POFUT2: variants seen among roughly 807,000 people sequenced by gnomAD.
POFUT2 encodes GDP-fucose protein O-fucosyltransferase 2.
POFUT2 carries 30 observed loss-of-function variants against 55.0 expected under a neutral mutation model. The ratio of observed to expected loss-of-function variants is 0.55; its 90% CI spans 0.41 to 0.74. The LOEUF is 0.74. Ranked by LOEUF, POFUT2 falls within the 30% of genes least tolerant of loss-of-function variation. The pLI, the probability that POFUT2 is intolerant of heterozygous loss-of-function variation, is 0.00. For synonymous variants in POFUT2, 267 were observed against 231.1 expected, an observed-to-expected ratio of 1.16 and a Z score of -1.41; for missense variants, 524 against 562.6, an observed-to-expected ratio of 0.93 and a Z score of 0.69.
chr21:45,272,625 G>T (rs1286685850), intron 6 of POFUT2, among the ~76,000 whole-genome samples: 2 of 152,068 alleles, frequency 1.3e-5, no homozygotes, highest in African/African-American at 4.8e-5. Context: ...CATATGGAAC[G>T]TTATCCAAGA....
intron 8 of POFUT2, chr21:45,266,270 G>A: frequency 2.2e-6 from 3 of 1,367,526 alleles, no homozygotes; most frequent in Non-Finnish European, 2.9e-6. Context: ...CAGAGCAAAT[G>A]TAACATGCAC....
rs755130095 is a variant in POFUT2, at chr21:45,268,675, AC to A, written c.1013-963del. Among the ~76,000 whole-genome samples the A allele has an allele frequency of 5.1e-3, 657 of 129,006 alleles. 3 individuals carry two copies. The highest frequency in any genetic ancestry group is 7.7e-3 in the Non-Finnish European group (470 of 61,068). 84.6% of individuals were successfully genotyped at this position (129,006 alleles called of 152,430 possible). A position where few individuals can be genotyped will look rare whatever the true frequency, so the allele number is the denominator to read the frequency against. ...TGAGGAGCGCCTCTGCCTGGCCACG[AC>A]CCCGTCTGGGAGGTGAGGAGCGTCT... is the stretch of plus-strand genomic sequence containing the variant. On this transcript the variant is annotated intron_variant, in intron 7 of 8. Coordinates refer to ENST00000349485, the MANE Select transcript of POFUT2 (RefSeq NM_133635.6).
In POFUT2 at chr21:45,278,184, CAGA is replaced by C. The variant is rs2030039911; in HGVS notation, c.639-18_639-16del. On this transcript the variant is annotated splice_polypyrimidine_tract_variant and intron_variant, in intron 4 of 8. Coordinates refer to ENST00000349485, the MANE Select transcript of POFUT2 (RefSeq NM_133635.6). ...ACATCACGGACCTGTTTTTAAACAA[CAGA>C]AGAATAAACAGTTATAAGAGTTAAG... is the stretch of plus-strand genomic sequence containing the variant. 1.2e-6 allele frequency: 2 copies of C among 1,602,400 alleles called. No homozygotes were observed. The highest frequency in any genetic ancestry group is 1.7e-6 in the Non-Finnish European group (2 of 1,169,460).
Position 45,267,851 on chromosome 21 carries a change from C to T in POFUT2, c.1013-138G>A, listed in dbSNP as rs987073801. 1.4e-6 allele frequency: 1 copy of T among 725,034 alleles called. No homozygotes were observed. Among genetic ancestry groups the T allele is most frequent in the Non-Finnish European group, 2.4e-6 (1 of 421,036 alleles). 44.9% of individuals were successfully genotyped at this position (725,034 alleles called of 1,614,324 possible). ...TGGCTCCAAAGGTGCAGACACACAA[C>T]TCAGCTTTACCCTCCCAGGAATTAC... On this transcript the variant is annotated intron_variant, in intron 7 of 8. Transcript: ENST00000349485. This position sits in a 1 kb window ranked among gnomAD's most constrained non-coding sequence, Gnocchi z 4.4.
At chr21:45,278,268 G>A in intron 4 of POFUT2, 99 bp from the exon 5 acceptor site, 2 of 1,050,560 alleles carry the variant, frequency 1.9e-6, no homozygotes, top group South Asian at 2.5e-5. Context: ...GGCCGAGGAA[G>A]CAGAGACCAA....
At chr21:45,268,814 G>A (rs1185002995) in intron 7 of POFUT2, among the ~76,000 whole-genome samples, 1 of 146,528 alleles carries the variant, frequency 6.8e-6, no homozygotes, top group Non-Finnish European at 1.5e-5. Context: ...AGGGAGGTGG[G>A]GGGGTCAGCC....
intron 7 of POFUT2, 127 bp downstream of exon 7, chr21:45,269,712 T>C: frequency 1.2e-6 from 1 of 849,992 alleles, no homozygotes; most frequent in Non-Finnish European, 1.8e-6. Flanking sequence ...GTTTATCTGC[T>C]GACCTTCCCT....
At chr21:45,269,794 T>A (rs1424544700) in intron 7 of POFUT2, 45 bp downstream of exon 7, 22 of 1,549,292 alleles carry the variant, frequency 1.4e-5, no homozygotes, top group African/African-American at 4.2e-5. Context: ...ATAAAAAAAA[T>A]AAATTAAAAG....
rs147528543 is a variant in POFUT2, at chr21:45,282,306, G to A, written c.638+43C>T. On this transcript the variant is annotated intron_variant, in intron 4 of 8. Transcript: ENST00000349485. This position sits in a 1 kb window ranked among gnomAD's most constrained non-coding sequence, Gnocchi z 4.6. ...CCAGCCCAGCATGCACGGAGCAGAC[G>A]CCACAGCCTCCAGGCTGCTCCCGGG... 1.5e-5 allele frequency: 19 copies of A among 1,271,524 alleles called. No homozygotes were observed. Among genetic ancestry groups the A allele is most frequent in the Admixed American group, 1.0e-4 (6 of 58,494 alleles). The allele number at this position is 1,271,524 out of a possible 1,614,324, so 78.8% of individuals were successfully genotyped here. A position where few individuals can be genotyped will look rare whatever the true frequency, so the allele number is the denominator to read the frequency against.
Position 45,281,210 on chromosome 21 carries a change from G to A in POFUT2, c.638+1139C>T, listed in dbSNP as rs1471378453. Reference sequence around the variant, plus strand: ...TCTCCTAAATCAGGACCATCTAGTTGGAAGCCCCCTCTGGGCTCAGCTCCA... The same window carrying A: ...TCTCCTAAATCAGGACCATCTAGTTAGAAGCCCCCTCTGGGCTCAGCTCCA... On this transcript the variant is annotated intron_variant, in intron 4 of 8. Transcript: ENST00000349485. This position sits in a 1 kb window ranked among gnomAD's most constrained non-coding sequence, Gnocchi z 5.0. Among the ~76,000 whole-genome samples the A allele has an allele frequency of 1.3e-5, 2 of 152,134 alleles. No individual in the cohort carries two copies. Among genetic ancestry groups the A allele is most frequent in the Non-Finnish European group, 2.9e-5 (2 of 68,026 alleles).
In POFUT2 at chr21:45,265,398, G is replaced by T; in HGVS notation, c.*84C>A. The T allele has an allele frequency of 1.6e-6, 2 of 1,280,044 alleles. No individual in the cohort carries two copies. The highest frequency in any genetic ancestry group is 1.1e-6 in the Non-Finnish European group (1 of 915,316). The allele number at this position is 1,280,044 out of a possible 1,614,324, so 79.3% of individuals were successfully genotyped here. ...GGTCCTGTCCGCCCAGCTCCCGGCT[G>T]GCAGTAGACGGTGACTCCACGGCGA... On this transcript the variant is annotated 3_prime_UTR_variant, in exon 9 of 9. Coordinates refer to ENST00000349485, the MANE Select transcript of POFUT2 (RefSeq NM_133635.6). This position sits in a 1 kb window ranked among gnomAD's most constrained non-coding sequence, Gnocchi z 4.6.
rs748381010 is a variant in POFUT2 at position 45,270,061 on chromosome 21, G to T, written c.832-42C>A. On this transcript the variant is annotated intron_variant, in intron 6 of 8. Coordinates refer to ENST00000349485, the MANE Select transcript of POFUT2 (RefSeq NM_133635.6). The surrounding 1 kb of genome is among the most constrained non-coding windows in gnomAD (Gnocchi z 4.6). ...AGGAAATGCAGAAGCTGACAGGCGG[G>T]CTCGGGGCTCATCCTGGGCACCGGG... 15 of 1,466,180 alleles carry T rather than the reference G, an allele frequency of 1.0e-5. No homozygotes were observed. The highest frequency in any genetic ancestry group is 1.4e-5 in the Non-Finnish European group (15 of 1,109,926). 90.8% of individuals were successfully genotyped at this position (1,466,180 alleles called of 1,614,324 possible).
In POFUT2 at chr21:45,264,619, T is replaced by A. The variant is rs1278523814; in HGVS notation, c.*863A>T. 6.7e-6 allele frequency: 1 copy of A among 149,536 alleles called. No homozygotes were observed. The highest frequency in any genetic ancestry group is 1.5e-5 in the Non-Finnish European group (1 of 67,480). The allele number at this position is 149,536 out of a possible 1,614,324, so 9.3% of individuals were successfully genotyped here. ...GCGAATGGCAGACCTGGAGGCCCCA[T>A]GTGCACCTGCCAGCCGGGGCGAGGG... On this transcript the variant is annotated 3_prime_UTR_variant, in exon 9 of 9. Coordinates refer to ENST00000349485, the MANE Select transcript of POFUT2 (RefSeq NM_133635.6).
rs1368137762 is a variant in POFUT2, at chr21:45,284,171, C to CGCGCA, written c.383-649_383-645dup. Among the ~76,000 whole-genome samples, 1 of 151,332 alleles carries CGCGCA rather than the reference C, an allele frequency of 6.6e-6. No homozygotes were observed. The highest frequency in any genetic ancestry group is 1.9e-4 in the East Asian group (1 of 5,182). ...GCAGGAACAAAGCGGGAGGGAGCAC[C>CGCGCA]GCGCAGGTGAAATTCTGGGGCAGGA... On this transcript the variant is annotated intron_variant, in intron 2 of 8. Transcript: ENST00000349485. This position sits in a 1 kb window ranked among gnomAD's most constrained non-coding sequence, Gnocchi z 5.8.
chr21:45,282,514 A>C lies in POFUT2; in HGVS notation c.528-55T>G. On this transcript the variant is annotated intron_variant, in intron 3 of 8. Coordinates refer to ENST00000349485, the MANE Select transcript of POFUT2 (RefSeq NM_133635.6). This position sits in a 1 kb window ranked among gnomAD's most constrained non-coding sequence, Gnocchi z 4.6. ...CAGTTTATTTTGCTTTCACAAGGAA[A>C]ACAAATCAAGTCTAGACACGCACAC... 9.2e-7 allele frequency: 1 copy of C among 1,085,288 alleles called. No homozygotes were observed. Among genetic ancestry groups the C allele is most frequent in the Non-Finnish European group, 1.4e-6 (1 of 707,594 alleles). 67.2% of individuals were successfully genotyped at this position (1,085,288 alleles called of 1,614,324 possible). A position where few individuals can be genotyped will look rare whatever the true frequency, so the allele number is the denominator to read the frequency against.
In POFUT2 at chr21:45,287,755, C is replaced by A. The variant is rs1310860355; in HGVS notation, c.117G>T (p.Ala39=). The change falls in exon 1 of 9, where the codon GCG becomes GCT. Residue 39 remains alanine, a synonymous_variant. Coordinates refer to ENST00000349485, the MANE Select transcript of POFUT2 (RefSeq NM_133635.6). ...CGCGCGTTTACCGTCTGCGGGAAGC[C>A]GCCCCCGACAGAATATCGGCCGCCG... The part of the protein sequence containing the change: ...GQSAADILSG[A]ASRRRYLLYD... The A allele has an allele frequency of 6.7e-7, 1 of 1,483,496 alleles. No homozygotes were observed. 91.9% of individuals were successfully genotyped at this position (1,483,496 alleles called of 1,614,324 possible). A position where few individuals can be genotyped will look rare whatever the true frequency, so the allele number is the denominator to read the frequency against.
At chr21:45,266,839 G>A (rs769297673) in intron 8 of POFUT2, 71 of 1,006,752 alleles carry the variant, frequency 7.1e-5, no homozygotes, top group Non-Finnish European at 7.7e-5. Flanking sequence ...GCTAACCACG[G>A]GGAAGATCAT....
chr21:45,285,746 G>T lies in POFUT2; in HGVS notation c.314C>A (p.Ser105Tyr), dbSNP rs1285912722. Residue 105 changes from serine (S) to tyrosine (Y), a missense_variant, in exon 2 of 9, where the codon TCT becomes TAT. Coordinates refer to ENST00000349485, the MANE Select transcript of POFUT2 (RefSeq NM_133635.6). The surrounding 1 kb of genome is among the most constrained non-coding windows in gnomAD (Gnocchi z 4.9). ...PDIHQVRIPW[S>Y]EFFDLPSLNK... Reference sequence around the variant, plus strand: ...GAGACTTGGAAGATCAAAAAACTCAGACCAGGGAATCCGGACCTGGTGGAT... The same window carrying T: ...GAGACTTGGAAGATCAAAAAACTCATACCAGGGAATCCGGACCTGGTGGAT... 6.2e-7 allele frequency: 1 copy of T among 1,613,818 alleles called. No individual in the cohort carries two copies. The highest frequency in any genetic ancestry group is 8.5e-7 in the Non-Finnish European group (1 of 1,179,960).
rs928249026 is a variant in POFUT2 at position 45,270,549 on chromosome 21, G to A, written c.832-530C>T. On this transcript the variant is annotated intron_variant, in intron 6 of 8. Coordinates refer to ENST00000349485, the MANE Select transcript of POFUT2 (RefSeq NM_133635.6). This position sits in a 1 kb window ranked among gnomAD's most constrained non-coding sequence, Gnocchi z 4.6. ...AACCTCCTGGCTGTCCACAGGTCCC[G>A]AGTCTGTCCACGTGACAACTTCACT... Among the ~76,000 whole-genome samples the A allele has an allele frequency of 1.3e-5, 2 of 152,216 alleles. No homozygotes were observed. Among genetic ancestry groups the A allele is most frequent in the African/African-American group, 4.8e-5 (2 of 41,446 alleles).
Sources: gnomAD v4.1 joint callset for allele counts (sites outside exome capture counted in the v4.1 genomes callset) on GRCh38, gnomAD v4.1.1 for gene constraint, Gnocchi (gnomAD v3.1) non-coding constraint, MANE v1.5 for transcripts, NCBI Gene and HGNC (gene_info 2026-07-23, HGNC 2026-07-21) for gene names.